PCDH9: variants seen among roughly 807,000 people sequenced by gnomAD.
PCDH9 encodes protocadherin-9.
A neutral mutation model predicts 70.6 loss-of-function variants in PCDH9; 24 were observed. That is an observed-to-expected ratio of 0.34 (90% CI 0.25 to 0.48). PCDH9 has a LOEUF of 0.48. Among genes scored for constraint, PCDH9 ranks in the 20% least tolerant of loss-of-function variants. The pLI is 0.99. For missense variants in PCDH9, 1,281 were observed against 1,503.6 expected (o/e 0.85, Z 2.45); for synonymous variants, 562 against 558.5 (o/e 1.01, Z -0.09).
rs2082852070 is a variant in PCDH9, at chr13:66,933,563, A to G, written c.3037-29958T>C. Among the ~76,000 whole-genome samples, 4 of 152,180 alleles carry G rather than the reference A, an allele frequency of 2.6e-5. No individual in the cohort carries two copies. In the South Asian group the frequency reaches 8.3e-4, roughly 31 times the overall value. ...CCCCAGTATCTAAATTAGGAATAAG[A>G]ATGTCCTAGTTGGTTCATAGCTTAG... On this transcript the variant is annotated intron_variant, in intron 2 of 4. Transcript: ENST00000377865.
At chr13:66,646,009 T>C (rs796155883) in intron 3 of PCDH9, among the ~76,000 whole-genome samples, 14 of 152,354 alleles carry the variant, frequency 9.2e-5, no homozygotes, top group African/African-American at 2.6e-4. Flanking sequence ...TATAATTCTA[T>C]GCAAAACAAT....
intron 3 of PCDH9, among the ~76,000 whole-genome samples, chr13:66,809,790 G>A (rs1360385324): frequency 1.4e-5 from 2 of 147,438 alleles, no homozygotes; most frequent in African/African-American, 5.0e-5. Flanking sequence ...GCAAAAAAAA[G>A]AGGGTGCTTA....
At chr13:67,114,508 G>T (rs1462883942) in intron 2 of PCDH9, among the ~76,000 whole-genome samples, 1 of 151,996 alleles carries the variant, frequency 6.6e-6, no homozygotes, top group Non-Finnish European at 1.5e-5. Context: ...TTTTTTTACA[G>T]AAATAATTTT....
intron 2 of PCDH9, among the ~76,000 whole-genome samples, chr13:67,042,505 C>A (rs1014665642): frequency 6.6e-6 from 1 of 151,918 alleles, no homozygotes; most frequent in Admixed American, 6.6e-5. Flanking sequence ...TTAAAAAAAA[C>A]AAAAACAAAA....
intron 2 of PCDH9, among the ~76,000 whole-genome samples, chr13:67,160,783 C>A (rs2087936980): frequency 1.3e-5 from 2 of 152,136 alleles, no homozygotes; most frequent in South Asian, 4.1e-4. Context: ...CTAAGAGAAC[C>A]ATTTGTCTTA....
Position 66,477,756 on chromosome 13 carries a change from A to T in PCDH9, c.3340+153454T>A, listed in dbSNP as rs149779602. Among the ~76,000 whole-genome samples the T allele has an allele frequency of 7.6e-4, 116 of 152,346 alleles. 3 individuals are homozygous for T. The highest frequency in any genetic ancestry group is 1.7e-3 in the Admixed American group (26 of 15,296). Reference sequence around the variant, plus strand: ...ACATGCAAATCATAATTGAATCCACATCCCACAGGGATTAGCTTCAAGAAA... The same window carrying T: ...ACATGCAAATCATAATTGAATCCACTTCCCACAGGGATTAGCTTCAAGAAA... On this transcript the variant is annotated intron_variant, in intron 4 of 4. Coordinates refer to ENST00000377865, the MANE Select transcript of PCDH9 (RefSeq NM_203487.3).
intron 4 of PCDH9, among the ~76,000 whole-genome samples, chr13:66,457,359 C>A (rs1246834204): frequency 6.6e-6 from 1 of 152,014 alleles, no homozygotes; most frequent in Non-Finnish European, 1.5e-5. Flanking sequence ...AGCACATCTA[C>A]CACCAATTGA....
intron 2 of PCDH9, chr13:67,217,504 A>G (rs980825945): frequency 1.3e-5 from 2 of 152,160 alleles, no homozygotes; most frequent in African/African-American, 4.8e-5. Flanking sequence ...AGTCAAAGAC[A>G]TTAAGTATTA....
chr13:66,491,886 C>T (rs895025289), intron 4 of PCDH9, among the ~76,000 whole-genome samples: 14 of 152,048 alleles, frequency 9.2e-5, no homozygotes, highest in Non-Finnish European at 8.8e-5. Flanking sequence ...TTCCACATCG[C>T]GGGACTGTGA....
At chr13:66,484,178 G>A (rs990340687) in intron 4 of PCDH9, among the ~76,000 whole-genome samples, 3 of 152,250 alleles carry the variant, frequency 2.0e-5, no homozygotes, top group Non-Finnish European at 4.4e-5. Context: ...GAAACCCCGG[G>A]ATACAGAAAG....
At chr13:66,896,804 T>C (rs1169525540) in intron 3 of PCDH9, among the ~76,000 whole-genome samples, 3 of 152,136 alleles carry the variant, frequency 2.0e-5, no homozygotes, top group African/African-American at 7.2e-5. Flanking sequence ...GAGGTCTGCA[T>C]TGAGGAGACA....
At chr13:67,053,701 T>A (rs1335034306) in intron 2 of PCDH9, among the ~76,000 whole-genome samples, 1 of 152,212 alleles carries the variant, frequency 6.6e-6, no homozygotes, top group Non-Finnish European at 1.5e-5. Flanking sequence ...GATTTGCCTT[T>A]TAAGACAAGT....
intron 4 of PCDH9, among the ~76,000 whole-genome samples, chr13:66,550,262 A>G (rs1961423515): frequency 6.6e-6 from 1 of 152,076 alleles, no homozygotes. Context: ...CAGAAAGTTC[A>G]TAAAACCCTT....
At position 67,228,172 on chromosome 13, in the gene PCDH9, T is replaced by C. The variant is rs758502742; in HGVS notation, c.269A>G (p.Asn90Ser). The change falls in exon 2 of 5, where the codon AAC becomes AGC. Residue 90 changes from asparagine (N) to serine (S), a missense_variant. Coordinates refer to ENST00000377865, the MANE Select transcript of PCDH9 (RefSeq NM_203487.3). Reference protein sequence around the residue: ...SSTGEIFTTSNRIDREKLCAG... With the variant: ...SSTGEIFTTSSRIDREKLCAG... ...ACAGAGTTTTTCTCTGTCTATTCTG[T>C]TGGAGGTTGTGAAAATTTCCCCAGT... 26 of 1,613,574 alleles carry C rather than the reference T, an allele frequency of 1.6e-5. No homozygotes were observed. The highest frequency in any genetic ancestry group is 2.1e-5 in the Non-Finnish European group (25 of 1,179,882).
intron 4 of PCDH9, among the ~76,000 whole-genome samples, chr13:66,312,379 G>A (rs1566233524): frequency 6.6e-6 from 1 of 152,160 alleles, no homozygotes; most frequent in African/African-American, 2.4e-5. Context: ...GGCTAGGCAT[G>A]GTGGCTCATG....
chr13:66,709,239 A>G (rs1267431320), intron 3 of PCDH9, among the ~76,000 whole-genome samples: 5 of 152,188 alleles, frequency 3.3e-5, no homozygotes, highest in African/African-American at 1.2e-4. Flanking sequence ...GAAGGACAGT[A>G]AGAGACTACA....
At chr13:66,514,028 C>G (rs532562382) in intron 4 of PCDH9, among the ~76,000 whole-genome samples, 1 of 151,980 alleles carries the variant, frequency 6.6e-6, no homozygotes, top group Non-Finnish European at 1.5e-5. Context: ...TTTGTGACCC[C>G]GAGTCCACAT....
intron 3 of PCDH9, among the ~76,000 whole-genome samples, chr13:66,737,735 G>A (rs961395488): frequency 8.5e-5 from 13 of 152,164 alleles, no homozygotes; most frequent in East Asian, 1.9e-4. Flanking sequence ...AAGGGGTGAC[G>A]GACGCACCTG....
At chr13:66,334,517 C>T (rs538471631) in intron 4 of PCDH9, among the ~76,000 whole-genome samples, 1 of 152,156 alleles carries the variant, frequency 6.6e-6, no homozygotes, top group South Asian at 2.1e-4. Flanking sequence ...CAGAATGCAA[C>T]ATCAACTCTT....
Sources: gnomAD v4.1 joint callset for allele counts (sites outside exome capture counted in the v4.1 genomes callset) on GRCh38, gnomAD v4.1.1 for gene constraint, MANE v1.5 for transcripts, NCBI Gene and HGNC (gene_info 2026-07-23, HGNC 2026-07-21) for gene names.